Variants in CELSR1 observed in about 807,000 individuals in gnomAD.
CELSR1 encodes the protein cadherin EGF LAG seven-pass G-type receptor 1.
Under a neutral mutation model 249.1 loss-of-function variants are expected in CELSR1, and 110 were observed. The observed-to-expected ratio is 0.44, with a 90% CI of 0.38 to 0.52. CELSR1 has a LOEUF of 0.52. Among genes scored for constraint, CELSR1 ranks in the 20% least tolerant of loss-of-function variants. The pLI is 0.00. For synonymous variants in CELSR1, 2,113 were observed against 1,900.0 expected (o/e 1.11, Z -2.92); for missense variants, 4,109 against 4,296.4 (o/e 0.96, Z 1.22).
At position 46,401,032 on chromosome 22, in the gene CELSR1, C is replaced by A. The variant is rs182496180; in HGVS notation, c.5227-1130G>T. 6.6e-6 allele frequency among the ~76,000 whole-genome samples: 1 copy of A among 151,790 alleles called. No homozygotes were observed. The highest frequency in any genetic ancestry group is 2.1e-4 in the South Asian group (1 of 4,818). On this transcript the variant is annotated intron_variant, in intron 9 of 34. Transcript: ENST00000674500. The surrounding 1 kb of genome is among the most constrained non-coding windows in gnomAD (Gnocchi z 4.7). ...GATCAGAATTGCTTGTCTTATTCTA[C>A]GGGAAAAAGGATCAATCGCTTCATG... is the stretch of plus-strand genomic sequence containing the variant.
intron 1 of CELSR1, among the ~76,000 whole-genome samples, 165 bp downstream of exon 1, chr22:46,533,462 C>G (rs5767248): frequency 0.93 from 141,343 of 152,332 alleles, 65,656 homozygotes; most frequent in East Asian, 0.98. Flanking sequence ...GGGCCTAGGC[C>G]GGGCGCCCAC....
In CELSR1 at chr22:46,437,613, T is replaced by C. The variant is rs545286141; in HGVS notation, c.4407-1324A>G. 1.3e-5 allele frequency among the ~76,000 whole-genome samples: 2 copies of C among 152,162 alleles called. No homozygotes were observed. The highest frequency in any genetic ancestry group is 6.5e-5 in the Admixed American group (1 of 15,288). On this transcript the variant is annotated intron_variant, in intron 3 of 34. Coordinates refer to ENST00000674500, the MANE Select transcript of CELSR1 (RefSeq NM_001378328.1). The surrounding 1 kb of genome is among the most constrained non-coding windows in gnomAD (Gnocchi z 4.9). Reference sequence around the variant, plus strand: ...TAAAAATACGAAAATTAGCCGGGCATGGTGGTGGGCACCTGTAATCCCAGC... The same window carrying C: ...TAAAAATACGAAAATTAGCCGGGCACGGTGGTGGGCACCTGTAATCCCAGC...
intron 4 of CELSR1, among the ~76,000 whole-genome samples, chr22:46,435,009 A>G (rs1483144652): frequency 6.6e-6 from 1 of 152,060 alleles, no homozygotes; most frequent in African/African-American, 2.4e-5. Flanking sequence ...AAGAAGAACA[A>G]AAACAAAAAA....
chr22:46,483,423 G>A (rs925416865), intron 1 of CELSR1, among the ~76,000 whole-genome samples: 14 of 115,408 alleles, frequency 1.2e-4, no homozygotes, highest in Non-Finnish European at 2.0e-4. Flanking sequence ...ACAGCGTCTC[G>A]CTCTGTCACC....
At chr22:46,365,754 C>A in intron 30 of CELSR1, 65 bp from the exon 31 acceptor site, 8 of 1,294,830 alleles carry the variant, frequency 6.2e-6, no homozygotes, top group South Asian at 1.3e-5. Flanking sequence ...CTGGAAAGTT[C>A]TCTGGAAGAT....
intron 1 of CELSR1, among the ~76,000 whole-genome samples, chr22:46,487,606 C>A (rs181911153): frequency 2.5e-4 from 1 of 4,036 alleles, no homozygotes; most frequent in African/African-American, 1.1e-3. Flanking sequence ...GTGGGGGGTG[C>A]GGGGGAGGGG....
intron 2 of CELSR1, among the ~76,000 whole-genome samples, chr22:46,462,496 TC>T (rs1266143285): frequency 3.9e-5 from 6 of 152,152 alleles, no homozygotes; most frequent in Non-Finnish European, 5.9e-5. Context: ...TGTTATAAGC[TC>T]GATAAACTTG....
Position 46,535,088 on chromosome 22 carries a change from G to T in CELSR1, c.2083C>A (p.Arg695Ser), listed in dbSNP as rs748286224. ...CCCACGGCCGCATCCTCATTCAGAC[G>T]AAGCTCGTAGGTGGGCTGCGTGAAC... ...PVFTQPTYEL[R>S]LNEDAAVGSS... Residue 695 changes from arginine to serine, a missense_variant, in exon 1 of 35, where the codon CGT becomes AGT. Transcript: ENST00000674500. 1 of 1,612,238 alleles carries T rather than the reference G, an allele frequency of 6.2e-7. No homozygotes were observed. The highest frequency in any genetic ancestry group is 1.1e-5 in the South Asian group (1 of 91,052).
Position 46,369,861 on chromosome 22 carries a change from A to C in CELSR1, c.7760-57T>G, listed in dbSNP as rs775161901. 3 of 1,481,516 alleles carry C rather than the reference A, an allele frequency of 2.0e-6. No homozygotes were observed. In the South Asian group the frequency reaches 3.4e-5, roughly 17 times the overall value. The allele number at this position is 1,481,516 out of a possible 1,614,324, so 91.8% of individuals were successfully genotyped here. On this transcript the variant is annotated intron_variant, in intron 25 of 34. Transcript: ENST00000674500. ...GGGCCACGTGCCCAGTGGCCACCCC[A>C]TGCCAAGGACCAGCCAGGGTGGGGT...
At chr22:46,414,888 T>C (rs74598182) in intron 5 of CELSR1, among the ~76,000 whole-genome samples, 5,610 of 152,154 alleles carry the variant, frequency 0.037, 339 homozygotes, top group African/African-American at 0.13. Context: ...TAAATGTCCA[T>C]CAGTAGATGA....
chr22:46,453,960 A>G (rs1210364041), intron 2 of CELSR1, among the ~76,000 whole-genome samples: 1 of 152,172 alleles, frequency 6.6e-6, no homozygotes, highest in East Asian at 1.9e-4. Flanking sequence ...CCACATCTTC[A>G]TCTCTGAAAG....
chr22:46,366,747 G>A (rs2078787573), intron 29 of CELSR1, among the ~76,000 whole-genome samples: 1 of 152,178 alleles, frequency 6.6e-6, no homozygotes, highest in South Asian at 2.1e-4. Flanking sequence ...GATCCTCGGT[G>A]GTCCTGACCC....
In CELSR1 at chr22:46,512,754, G is replaced by A. The variant is rs565426146; in HGVS notation, c.3544+20873C>T. 3.2e-4 allele frequency among the ~76,000 whole-genome samples: 49 copies of A among 152,256 alleles called. No homozygotes were observed. Among genetic ancestry groups the A allele is most frequent in the African/African-American group, 9.9e-4 (41 of 41,544 alleles). On this transcript the variant is annotated intron_variant, in intron 1 of 34. Transcript: ENST00000674500. The surrounding 1 kb of genome is among the most constrained non-coding windows in gnomAD (Gnocchi z 5.2). ...ACAGCTCCTGCTTATAGAGGGTAGC[G>A]GGTTTCCGTTCCCTGCCATCCAGAG...
intron 1 of CELSR1, among the ~76,000 whole-genome samples, chr22:46,491,001 C>T (rs1011080633): frequency 6.6e-6 from 1 of 152,082 alleles, no homozygotes; most frequent in Non-Finnish European, 1.5e-5. Context: ...TTCAGGACCT[C>T]GGAAGTCAGG....
rs777748133 is a variant in CELSR1, at chr22:46,534,420, C to G, written c.2751G>C (p.Thr917=). The G allele has an allele frequency of 6.2e-7, 1 of 1,612,916 alleles. No homozygotes were observed. The highest frequency in any genetic ancestry group is 8.5e-7 in the Non-Finnish European group (1 of 1,180,004). Residue 917 remains threonine (T), a synonymous_variant, in exon 1 of 35, where the codon ACG becomes ACC. Transcript: ENST00000674500. This position sits in a 1 kb window ranked among gnomAD's most constrained non-coding sequence, Gnocchi z 9.7. ...PSTSILQVSA[T]DRDSGPNGRL... ...GCCCATTGGGACCTGAGTCCCGGTC[C>G]GTGGCAGAGACCTGGAGGATGCTGG... is the stretch of plus-strand genomic sequence containing the variant.
chr22:46,415,210 C>A (rs1481731070), intron 5 of CELSR1, among the ~76,000 whole-genome samples: 1 of 152,142 alleles, frequency 6.6e-6, no homozygotes, highest in Non-Finnish European at 1.5e-5. Flanking sequence ...AGTGCCGTGG[C>A]ATGATCTCGG....
In CELSR1 at chr22:46,361,767, T is replaced by C. The variant is rs1391758510; in HGVS notation, c.*1456A>G. ...TTTACTTGATTTTCATCCTATTTTATGGTTTCTCCTATTTGGAAGCAGCTG... is the reference window on the plus strand; with the variant it reads ...TTTACTTGATTTTCATCCTATTTTACGGTTTCTCCTATTTGGAAGCAGCTG... On this transcript the variant is annotated 3_prime_UTR_variant, in exon 35 of 35. Transcript: ENST00000674500. 3 of 152,244 alleles carry C rather than the reference T, an allele frequency of 2.0e-5. No individual in the cohort carries two copies. In the South Asian group the frequency reaches 6.2e-4, roughly 31 times the overall value. 9.4% of individuals were successfully genotyped at this position (152,244 alleles called of 1,614,324 possible). A position where few individuals can be genotyped will look rare whatever the true frequency, so the allele number is the denominator to read the frequency against.
At position 46,450,334 on chromosome 22, in the gene CELSR1, G is replaced by A. The variant is rs555833490; in HGVS notation, c.4184-10923C>T. On this transcript the variant is annotated intron_variant, in intron 2 of 34. Transcript: ENST00000674500. ...TGCAAGGCAGGCTGACATAGAGATG[G>A]AGGGACAGACAGGGCAGGGCCACAT... is the stretch of plus-strand genomic sequence containing the variant. Among the ~76,000 whole-genome samples the A allele has an allele frequency of 3.3e-5, 5 of 152,374 alleles. No homozygotes were observed. The South Asian group carries it at 6.2e-4, about 19-fold the overall frequency.
chr22:46,436,248 C>T lies in CELSR1; in HGVS notation c.4448G>A (p.Gly1483Asp). The T allele has an allele frequency of 6.2e-7, 1 of 1,614,134 alleles. No homozygotes were observed. The highest frequency in any genetic ancestry group is 2.2e-5 in the East Asian group (1 of 44,880). ...GAAGTCGTGCTTCTCATTGAAGCGG[C>T]CGTTGTAGAGAAGCAAGCCGTTCCT... ...QERNGLLLYNGRFNEKHDFIA... is the reference protein window; with the variant it reads ...QERNGLLLYNDRFNEKHDFIA... The change falls in exon 4 of 35, where the codon GGC becomes GAC. Residue 1483 changes from glycine (G) to aspartate (D), a missense_variant. Around this residue, in one of 7 missense-constraint regions of CELSR1, gnomAD observed 453 missense variants for 492.0 expected, o/e 0.92. Transcript: ENST00000674500. The surrounding 1 kb of genome is among the most constrained non-coding windows in gnomAD (Gnocchi z 5.9).
Sources: gnomAD v4.1 joint callset for allele counts (sites outside exome capture counted in the v4.1 genomes callset) on GRCh38, gnomAD v4.1.1 for gene constraint, gnomAD v4.1.1 regional missense constraint, Gnocchi (gnomAD v3.1) non-coding constraint, MANE v1.5 for transcripts, NCBI Gene and HGNC (gene_info 2026-07-23, HGNC 2026-07-21) for gene names.